The following SMYD2 variants were observed in gnomAD, a reference collection of about 807,000 sequenced individuals.
The protein encoded by SMYD2 is N-lysine methyltransferase SMYD2.
Under a neutral mutation model 59.1 loss-of-function variants are expected in SMYD2, and 53 were observed. The observed-to-expected ratio is 0.90, with a 90% CI of 0.72 to 1.13. The LOEUF is 1.13. SMYD2 is among the 50% of genes most tolerant of loss of function. The pLI, the probability that SMYD2 is intolerant of heterozygous loss-of-function variation, is 0.00. For missense variants in SMYD2, 494 were observed against 544.7 expected, an observed-to-expected ratio of 0.91 and a Z score of 0.93; for synonymous variants, 208 against 198.8, an observed-to-expected ratio of 1.05 and a Z score of -0.39.
In SMYD2 at chr1:214,281,212, G is replaced by A. The variant is rs929670845; in HGVS notation, c.-43G>A. On this transcript the variant is annotated 5_prime_UTR_variant, in exon 1 of 12. Transcript: ENST00000366957. ...CGTCTCCAATAACAGCTCGCCGGGA[G>A]CCGCAGCTCGGGCACAGCCGGCGGC... is the stretch of plus-strand genomic sequence containing the variant. The A allele has an allele frequency of 3.8e-5, 46 of 1,217,668 alleles. No individual in the cohort carries two copies. The highest frequency in any genetic ancestry group is 4.7e-5 in the Non-Finnish European group (46 of 974,742). The allele number at this position is 1,217,668 out of a possible 1,614,324, so 75.4% of individuals were successfully genotyped here.
intron 1 of SMYD2, among the ~76,000 whole-genome samples, chr1:214,301,434 A>G (rs1015614869): frequency 5.3e-5 from 8 of 152,168 alleles, no homozygotes; most frequent in African/African-American, 1.9e-4. Context: ...CTTTTAAAAC[A>G]GTGTCATTGG....
intron 3 of SMYD2, 148 bp downstream of exon 3, chr1:214,315,020 A>C (rs1479253215): frequency 3.1e-6 from 2 of 649,510 alleles, no homozygotes. Flanking sequence ...AGGGGTGGGG[A>C]AAATACTCCA....
chr1:214,332,297 A>G (rs35345210), intron 10 of SMYD2, 105 bp downstream of exon 10: 179,818 of 1,354,194 alleles, frequency 0.13, 12,926 homozygotes, highest in Middle Eastern at 0.19. Flanking sequence ...TGCCTAGCGC[A>G]GCTGCCTCTT....
intron 8 of SMYD2, 116 bp downstream of exon 8, chr1:214,330,394 C>T (rs1335350037): frequency 1.5e-6 from 1 of 653,568 alleles, no homozygotes; most frequent in Non-Finnish European, 2.5e-6. Flanking sequence ...CCTTTAAACC[C>T]TCCTTACAAA....
chr1:214,330,331 C>G, intron 8 of SMYD2, 53 bp downstream of exon 8: 6 of 1,258,802 alleles, frequency 4.8e-6, no homozygotes, highest in South Asian at 4.0e-5. Flanking sequence ...CTCAGGACCT[C>G]TCTGCTGAAG....
rs752964625 is a variant in SMYD2 at position 214,336,833 on chromosome 1, T to TAA, written c.*51_*52dup. 4.6e-6 allele frequency: 7 copies of TAA among 1,517,116 alleles called. No individual in the cohort carries two copies. The highest frequency in any genetic ancestry group is 1.8e-5 in the Admixed American group (1 of 56,428). 94.0% of individuals were successfully genotyped at this position (1,517,116 alleles called of 1,614,324 possible). A position where few individuals can be genotyped will look rare whatever the true frequency, so the allele number is the denominator to read the frequency against. ...ATTTAAACACTTAGTTCAGAAACCT[T>TAA]AAAGGATTTGAATATTTCAAATTGC... On this transcript the variant is annotated 3_prime_UTR_variant, in exon 12 of 12. Coordinates refer to ENST00000366957, the MANE Select transcript of SMYD2 (RefSeq NM_020197.3).
chr1:214,281,451 G>A (rs754292064), intron 1 of SMYD2, 24 bp downstream of exon 1: 59 of 1,378,932 alleles, frequency 4.3e-5, no homozygotes, highest in Non-Finnish European at 5.6e-5. Context: ...GGCGGCGGCG[G>A]CGGGCGGGAG....
At chr1:214,297,860 G>T (rs550029278) in intron 1 of SMYD2, among the ~76,000 whole-genome samples, 1 of 152,226 alleles carries the variant, frequency 6.6e-6, no homozygotes, top group African/African-American at 2.4e-5. Flanking sequence ...GGCCCAAGAA[G>T]ACCTATGTTA....
chr1:214,298,890 C>G (rs1656774973), intron 1 of SMYD2, among the ~76,000 whole-genome samples: 1 of 152,196 alleles, frequency 6.6e-6, no homozygotes, highest in Admixed American at 6.5e-5. Flanking sequence ...TACTGGCTCA[C>G]ATCTGTAATC....
chr1:214,283,901 GAAGAA>G (rs1436566749), intron 1 of SMYD2, among the ~76,000 whole-genome samples: 4 of 152,040 alleles, frequency 2.6e-5, no homozygotes, highest in South Asian at 4.1e-4. Context: ...AACTTTTTTT[GAAGAA>G]AAGAAAAGTG....
intron 1 of SMYD2, among the ~76,000 whole-genome samples, chr1:214,303,544 A>G (rs960975869): frequency 6.6e-6 from 1 of 152,196 alleles, no homozygotes; most frequent in Non-Finnish European, 1.5e-5. Flanking sequence ...CAAACTTGGA[A>G]TATTTATTTA....
intron 11 of SMYD2, among the ~76,000 whole-genome samples, chr1:214,334,883 G>T (rs759895522): frequency 1.3e-5 from 2 of 152,130 alleles, no homozygotes; most frequent in African/African-American, 2.4e-5. Context: ...TTCAAATGAG[G>T]GTCTAAATTG....
intron 3 of SMYD2, among the ~76,000 whole-genome samples, chr1:214,317,132 A>G (rs1269429654): frequency 1.3e-5 from 2 of 152,226 alleles, no homozygotes; most frequent in Non-Finnish European, 2.9e-5. Flanking sequence ...CCGTGAATGG[A>G]AGATTTCTGC....
intron 1 of SMYD2, among the ~76,000 whole-genome samples, chr1:214,283,017 G>A (rs79695850): frequency 0.015 from 2,292 of 152,256 alleles, 60 homozygotes; most frequent in African/African-American, 0.052. Context: ...GGAAGCCATC[G>A]CCTAAGACCA....
In SMYD2 at chr1:214,315,002, A is replaced by G. The variant is rs1282475191; in HGVS notation, c.348+130A>G. Reference sequence around the variant, plus strand: ...TTAGACTACATTTCCTATCATATCCATATGGACAGGGGTGGGGAAAATACT... The same window carrying G: ...TTAGACTACATTTCCTATCATATCCGTATGGACAGGGGTGGGGAAAATACT... On this transcript the variant is annotated intron_variant, in intron 3 of 11. Coordinates refer to ENST00000366957, the MANE Select transcript of SMYD2 (RefSeq NM_020197.3). 9 of 702,010 alleles carry G rather than the reference A, an allele frequency of 1.3e-5. No homozygotes were observed. The East Asian group carries it at 1.9e-4, about 15-fold the overall frequency. The allele number at this position is 702,010 out of a possible 1,614,324, so 43.5% of individuals were successfully genotyped here. A position where few individuals can be genotyped will look rare whatever the true frequency, so the allele number is the denominator to read the frequency against.
At chr1:214,287,846 CAG>C (rs1385709079) in intron 1 of SMYD2, among the ~76,000 whole-genome samples, 12 of 152,188 alleles carry the variant, frequency 7.9e-5, no homozygotes, top group African/African-American at 2.9e-4. Flanking sequence ...TGGAAGAAAA[CAG>C]AATTTTCCAC....
intron 2 of SMYD2, among the ~76,000 whole-genome samples, chr1:214,308,192 C>T (rs889991226): frequency 6.6e-6 from 1 of 152,168 alleles, no homozygotes; most frequent in Non-Finnish European, 1.5e-5. Flanking sequence ...TGAGTGGTAC[C>T]GCAGCTCCTG....
chr1:214,293,011 TTGTGTGTGTGTGTG>T (rs58012666), intron 1 of SMYD2, among the ~76,000 whole-genome samples: 7,156 of 137,320 alleles, frequency 0.052, 278 homozygotes, highest in African/African-American at 0.093. Context: ...CTTTTTCTGT[TTGTGTGTGTGTGTG>T]TGTGTGTGTG....
At chr1:214,283,946 A>G (rs1455272883) in intron 1 of SMYD2, among the ~76,000 whole-genome samples, 1 of 152,220 alleles carries the variant, frequency 6.6e-6, no homozygotes, top group Non-Finnish European at 1.5e-5. Context: ...AGTATATGCT[A>G]TAAATTGAGA....
Sources: allele counts gnomAD v4.1 joint callset (sites outside exome capture counted in the v4.1 genomes callset), GRCh38; gene constraint gnomAD v4.1.1; transcripts MANE v1.5; gene names NCBI Gene and HGNC (gene_info 2026-07-23, HGNC 2026-07-21).